EPHB2: variants seen among roughly 807,000 people sequenced by gnomAD.
The protein encoded by EPHB2 is EPH receptor B2.
Under a neutral mutation model 96.4 loss-of-function variants are expected in EPHB2, and 18 were observed. That is an observed-to-expected ratio of 0.19 (90% CI 0.13 to 0.28). The LOEUF is 0.28. EPHB2 is among the 10% of genes least tolerant of loss of function. The probability of loss-of-function intolerance (pLI) is 1.00; values close to 1 mark genes in which losing one functional copy is unlikely to be tolerated. For synonymous variants in EPHB2, 506 were observed against 534.1 expected, an observed-to-expected ratio of 0.95 and a Z score of 0.72; for missense variants, 989 against 1,355.4, an observed-to-expected ratio of 0.73 and a Z score of 4.25.
intron 1 of EPHB2, among the ~76,000 whole-genome samples, chr1:22,739,043 G>A (rs184468524): frequency 1.3e-4 from 20 of 152,178 alleles, no homozygotes; most frequent in African/African-American, 4.3e-4. Context: ...AAATTATGTT[G>A]TGTACTTTTT....
chr1:22,714,457 A>G (rs1319569398), intron 1 of EPHB2, among the ~76,000 whole-genome samples: 1 of 152,186 alleles, frequency 6.6e-6, no homozygotes, highest in African/African-American at 2.4e-5. Flanking sequence ...GTCCATAGAA[A>G]GACATGGAGG....
At chr1:22,864,034 CTTTTTTTTTTTTTT>C (rs201727615) in intron 4 of EPHB2, among the ~76,000 whole-genome samples, 35 of 131,048 alleles carry the variant, frequency 2.7e-4, no homozygotes, top group Non-Finnish European at 2.8e-4. Flanking sequence ...AGTTTCTGTT[CTTTTTTTTTTTTTT>C]TTTTTTTTTT....
intron 3 of EPHB2, among the ~76,000 whole-genome samples, chr1:22,856,994 C>G (rs1645709348): frequency 6.6e-6 from 1 of 152,176 alleles, no homozygotes; most frequent in South Asian, 2.1e-4. Context: ...GGCTGAACAC[C>G]TACCATGTGC....
intron 6 of EPHB2, among the ~76,000 whole-genome samples, chr1:22,883,500 C>T (rs1034531079): frequency 6.6e-6 from 1 of 152,248 alleles, no homozygotes; most frequent in Admixed American, 6.5e-5. Flanking sequence ...GGAAAGGCAT[C>T]GCGGGGCTTC....
intron 1 of EPHB2, among the ~76,000 whole-genome samples, chr1:22,741,921 G>A (rs1264717679): frequency 3.3e-5 from 5 of 151,962 alleles, no homozygotes; most frequent in South Asian, 2.1e-4. Flanking sequence ...TGGTAGAGTC[G>A]GGACTTGAAC....
At chr1:22,844,574 T>C (rs1645514490) in intron 3 of EPHB2, among the ~76,000 whole-genome samples, 1 of 151,992 alleles carries the variant, frequency 6.6e-6, no homozygotes, top group South Asian at 2.1e-4. Flanking sequence ...GGAGGGAGAG[T>C]GTTATTATCC....
At chr1:22,736,437 C>T (rs759939374) in intron 1 of EPHB2, among the ~76,000 whole-genome samples, 35 of 152,206 alleles carry the variant, frequency 2.3e-4, no homozygotes, top group Non-Finnish European at 5.0e-4. Flanking sequence ...CATGGGGCCC[C>T]CCTTCCCAAT....
At chr1:22,781,695 G>A (rs1051700535) in intron 2 of EPHB2, among the ~76,000 whole-genome samples, 3 of 151,906 alleles carry the variant, frequency 2.0e-5, no homozygotes, top group Non-Finnish European at 1.5e-5. Context: ...ACAACAGGCT[G>A]GATGCTTTCA....
intron 5 of EPHB2, among the ~76,000 whole-genome samples, chr1:22,868,083 A>G (rs1484712273): frequency 6.6e-6 from 1 of 152,110 alleles, no homozygotes; most frequent in African/African-American, 2.4e-5. Context: ...ACTCTCCTAC[A>G]TCCATTTGGG....
chr1:22,769,768 G>A (rs545485026), intron 1 of EPHB2, among the ~76,000 whole-genome samples: 189 of 152,306 alleles, frequency 1.2e-3, no homozygotes, highest in African/African-American at 4.3e-3. Flanking sequence ...ATGCAGGCTG[G>A]CTGGATGGGA....
At chr1:22,842,856 A>G (rs11811221) in intron 3 of EPHB2, among the ~76,000 whole-genome samples, 4,380 of 150,620 alleles carry the variant, frequency 0.029, 197 homozygotes, top group African/African-American at 0.099. Context: ...CCTAACTGGC[A>G]CCTTCTTGTC....
rs1640339073 is a variant in EPHB2 at position 22,919,268 on chromosome 1, A to G, written c.*5698A>G. On this transcript the variant is annotated 3_prime_UTR_variant, in exon 16 of 16. Transcript: ENST00000374630. ...ATTTTCAGATAGGATGCCCAAACCC[A>G]GACGCAGATTAGGACCCATGAAGTA... The G allele has an allele frequency of 6.6e-6, 1 of 152,338 alleles. No homozygotes were observed. Among genetic ancestry groups the G allele is most frequent in the Non-Finnish European group, 1.5e-5 (1 of 68,122 alleles). 9.4% of individuals were successfully genotyped at this position (152,338 alleles called of 1,614,324 possible).
At chr1:22,852,151 C>G (rs1189663304) in intron 3 of EPHB2, among the ~76,000 whole-genome samples, 1 of 152,232 alleles carries the variant, frequency 6.6e-6, no homozygotes, top group African/African-American at 2.4e-5. Context: ...ACCCCAGTGC[C>G]TAGCACGTGG....
chr1:22,728,955 G>T (rs1008218066), intron 1 of EPHB2, among the ~76,000 whole-genome samples: 5 of 152,268 alleles, frequency 3.3e-5, no homozygotes, highest in African/African-American at 1.2e-4. Context: ...AAGGTGCGAG[G>T]TTCCAGCTGC....
At chr1:22,847,236 A>G (rs1645556703) in intron 3 of EPHB2, among the ~76,000 whole-genome samples, 1 of 152,180 alleles carries the variant, frequency 6.6e-6, no homozygotes, top group African/African-American at 2.4e-5. Flanking sequence ...TTTTCAGATG[A>G]GGAAACGGAG....
chr1:22,845,708 T>C (rs1244319549), intron 3 of EPHB2, among the ~76,000 whole-genome samples: 2 of 151,840 alleles, frequency 1.3e-5, no homozygotes, highest in Non-Finnish European at 1.5e-5. Context: ...CTCTCTCTCT[T>C]TACACACACA....
intron 5 of EPHB2, among the ~76,000 whole-genome samples, chr1:22,880,664 C>G (rs1218714338): frequency 3.3e-5 from 5 of 152,226 alleles, no homozygotes; most frequent in South Asian, 2.1e-4. Flanking sequence ...CCGGCTCCCC[C>G]ACTGACTGTG....
chr1:22,813,010 G>A (rs1645024439), intron 3 of EPHB2, among the ~76,000 whole-genome samples: 1 of 152,168 alleles, frequency 6.6e-6, no homozygotes, highest in African/African-American at 2.4e-5. Context: ...CTGACATCTA[G>A]TACCCTTTTA....
At chr1:22,901,055 G>A (rs559607737) in intron 9 of EPHB2, among the ~76,000 whole-genome samples, 1 of 152,310 alleles carries the variant, frequency 6.6e-6, no homozygotes, top group African/African-American at 2.4e-5. Flanking sequence ...AAACCTCTCT[G>A]AGCCTTGACA....
Sources: gnomAD v4.1 joint callset for allele counts (sites outside exome capture counted in the v4.1 genomes callset) on GRCh38, gnomAD v4.1.1 for gene constraint, MANE v1.5 for transcripts, NCBI Gene and HGNC (gene_info 2026-07-23, HGNC 2026-07-21) for gene names.